The following ANXA8 variants were observed in gnomAD, a reference collection of about 807,000 sequenced individuals.
ANXA8 encodes the protein annexin A8.
In ANXA8, 9 loss-of-function variants were observed where a neutral mutation model predicts 26.8. The ratio of observed to expected loss-of-function variants is 0.34; its 90% CI spans 0.20 to 0.59. The LOEUF is 0.59. Among genes scored for constraint, ANXA8 ranks in the 20% least tolerant of loss-of-function variants. ANXA8 has a pLI of 0.84. For missense variants in ANXA8, 83 were observed against 238.5 expected, an observed-to-expected ratio of 0.35 and a Z score of 4.29; for synonymous variants, 39 against 94.8, an observed-to-expected ratio of 0.41 and a Z score of 3.42.
At chr10:47,716,515 TATATC>T in the ANXA8 span, among the ~76,000 whole-genome samples, 3 of 126,712 alleles carry the variant, frequency 2.4e-5, no homozygotes, top group African/African-American at 1.0e-4. Flanking sequence ...TTAGCATTGT[TATATC>T]ATAAAACTAT....
At chr10:47,636,546 A>G in the ANXA8 span, among the ~76,000 whole-genome samples, 35 of 144,724 alleles carry the variant, frequency 2.4e-4, 5 homozygotes, top group African/African-American at 9.1e-4. Flanking sequence ...AAAATTGTAC[A>G]CCTTTCATAT....
the ANXA8 span, among the ~76,000 whole-genome samples, chr10:47,686,846 A>T: frequency 1.3e-5 from 2 of 151,878 alleles, no homozygotes; most frequent in Non-Finnish European, 1.5e-5. Context: ...AAACTTTTAT[A>T]ACAAAATGGT....
At chr10:47,772,638 T>C in the ANXA8 span, among the ~76,000 whole-genome samples, 19 of 152,074 alleles carry the variant, frequency 1.2e-4, no homozygotes, top group South Asian at 3.1e-3. Context: ...TCGCCCAAGG[T>C]CACACAACTA....
chr10:47,565,093 C>T, the ANXA8 span: 2 of 758,222 alleles, frequency 2.6e-6, no homozygotes, highest in Admixed American at 1.8e-5. Context: ...TTGTGAAGGA[C>T]CAGCGCCCGT....
intron 8 of ANXA8, 115 bp from the exon 9 acceptor site, chr10:47,474,180 GA>G (rs1839418314): frequency 1.7e-6 from 1 of 586,888 alleles, no homozygotes; most frequent in Non-Finnish European, 3.0e-6. Flanking sequence ...GGTGGCTGGG[GA>G]AACAGTCCTG....
chr10:47,558,014 G>A, the ANXA8 span, among the ~76,000 whole-genome samples: 1 of 151,860 alleles, frequency 6.6e-6, no homozygotes, highest in Non-Finnish European at 1.5e-5. Flanking sequence ...GCATACTAAG[G>A]AATATCTGTG....
the ANXA8 span, among the ~76,000 whole-genome samples, chr10:47,954,832 C>G: frequency 5.6e-4 from 85 of 151,228 alleles, 1 homozygote; most frequent in South Asian, 6.1e-3. Context: ...AAACCCCAGA[C>G]AGTAGAATGG....
At chr10:47,765,837 G>T in the ANXA8 span, among the ~76,000 whole-genome samples, 2 of 150,116 alleles carry the variant, frequency 1.3e-5, no homozygotes, top group Non-Finnish European at 1.5e-5. Context: ...TGCAGTGCTT[G>T]TGCCCAGACT....
At chr10:47,948,308 AAC>A in the ANXA8 span, among the ~76,000 whole-genome samples, 1 of 114,318 alleles carries the variant, frequency 8.7e-6, no homozygotes, top group South Asian at 3.1e-4. Flanking sequence ...AGTCAATAGA[AAC>A]ACACTCAGGA....
chr10:47,955,474 T>C, the ANXA8 span, among the ~76,000 whole-genome samples: 1 of 149,826 alleles, frequency 6.7e-6, no homozygotes, highest in Non-Finnish European at 1.5e-5. Context: ...CTGGGCTCTA[T>C]GGCATAGCCT....
the ANXA8 span, among the ~76,000 whole-genome samples, chr10:47,619,569 T>C: frequency 4.1e-5 from 5 of 120,576 alleles, no homozygotes; most frequent in Non-Finnish European, 7.3e-5. Flanking sequence ...GGCCGCAGAA[T>C]TCTGGGAGAT....
chr10:47,530,208 T>C, the ANXA8 span, among the ~76,000 whole-genome samples: 70 of 140,924 alleles, frequency 5.0e-4, 4 homozygotes, highest in Non-Finnish European at 8.4e-4. Context: ...CTGTGAGGGA[T>C]TTCCTTTCCA....
chr10:47,560,325 A>T, the ANXA8 span, among the ~76,000 whole-genome samples: 1 of 151,986 alleles, frequency 6.6e-6, no homozygotes, highest in Non-Finnish European at 1.5e-5. Flanking sequence ...AGCCAGGAAA[A>T]TTAAAAATAA....
At chr10:47,562,913 T>C in the ANXA8 span, among the ~76,000 whole-genome samples, 2 of 149,270 alleles carry the variant, frequency 1.3e-5, no homozygotes, top group South Asian at 4.3e-4. Context: ...GACTATTCAT[T>C]GCCCATGTTT....
At chr10:47,904,293 C>T in the ANXA8 span, among the ~76,000 whole-genome samples, 1 of 142,316 alleles carries the variant, frequency 7.0e-6, no homozygotes, top group East Asian at 2.0e-4. Flanking sequence ...TCCCAAAGTG[C>T]TGTGATTATG....
At chr10:47,731,249 A>ACC in the ANXA8 span, among the ~76,000 whole-genome samples, 1 of 150,382 alleles carries the variant, frequency 6.6e-6, no homozygotes, top group Non-Finnish European at 1.5e-5. Flanking sequence ...TATGTTTTTA[A>ACC]AAATTCCTTT....
chr10:47,733,042 A>T, the ANXA8 span, among the ~76,000 whole-genome samples: 1 of 150,724 alleles, frequency 6.6e-6, no homozygotes, highest in African/African-American at 2.4e-5. Context: ...TAGCTTGAGC[A>T]AAAAAGGGGG....
the ANXA8 span, among the ~76,000 whole-genome samples, chr10:47,950,520 C>A: frequency 6.6e-6 from 1 of 150,732 alleles, no homozygotes; most frequent in African/African-American, 2.5e-5. Context: ...TCACCATATT[C>A]ATAGAATCCA....
chr10:47,484,058 T>C lies in ANXA8; in HGVS notation c.-125A>G. On this transcript the variant is annotated 5_prime_UTR_variant, in exon 1 of 12. Transcript: ENST00000585281. ...CAGGCCGCTCACTTGGGTGTGGGGG[T>C]GCAAGCCCGCCCAGGGCAGCGCCAC... 1 of 1,609,680 alleles carries C rather than the reference T, an allele frequency of 6.2e-7. No homozygotes were observed. Among genetic ancestry groups the C allele is most frequent in the Non-Finnish European group, 8.5e-7 (1 of 1,178,400 alleles).
Sources: allele counts gnomAD v4.1 joint callset (sites outside exome capture counted in the v4.1 genomes callset), GRCh38; gene constraint gnomAD v4.1.1; transcripts MANE v1.5; gene names NCBI Gene and HGNC (gene_info 2026-07-23, HGNC 2026-07-21).